Variants in PCNX3 observed in about 807,000 individuals in gnomAD.
The protein encoded by PCNX3 is pecanex-like protein 3.
PCNX3 carries 58 observed loss-of-function variants against 207.2 expected under a neutral mutation model. The observed-to-expected ratio is 0.28, with a 90% CI of 0.23 to 0.35. The LOEUF (loss-of-function observed/expected upper bound fraction) is 0.35, where lower values mean the gene tolerates loss of function less well. Ranked by LOEUF, PCNX3 falls within the 10% of genes least tolerant of loss-of-function variation. The pLI, the probability that PCNX3 is intolerant of heterozygous loss-of-function variation, is 1.00. For synonymous variants in PCNX3, 1,337 were observed against 1,183.5 expected (o/e 1.13, Z -2.66); for missense variants, 2,410 against 2,774.4 (o/e 0.87, Z 2.95).
Position 65,634,221 on chromosome 11 carries a change from C to T in PCNX3, c.4566C>T (p.Gly1522=), listed in dbSNP as rs2135480756. ...TAALRPVRVP[G]YADSDPTFSL... is the part of the protein sequence containing the mutation. Reference sequence around the variant, plus strand: ...CCCTGAGGCCTGTGCGGGTGCCCGGCTATGCCGACTCGGATCCCACCTTCT... The same window carrying T: ...CCCTGAGGCCTGTGCGGGTGCCCGGTTATGCCGACTCGGATCCCACCTTCT... Residue 1522 remains glycine (G), a synonymous_variant, in exon 28 of 35, where the codon GGC becomes GGT. Transcript: ENST00000355703. The T allele has an allele frequency of 6.2e-7, 1 of 1,613,426 alleles. No individual in the cohort carries two copies. The highest frequency in any genetic ancestry group is 1.3e-5 in the African/African-American group (1 of 75,074).
At position 65,636,570 on chromosome 11, in the gene PCNX3, G is replaced by A. The variant is rs61893815; in HGVS notation, c.5773G>A (p.Gly1925Ser). The A allele has an allele frequency of 1.2e-5, 19 of 1,595,768 alleles. No individual in the cohort carries two copies. In the Admixed American group the frequency reaches 2.9e-4, roughly 24 times the overall value. ...GPRTSRPPGP[G>S]LLSSEGPSGK... ...CCGGACCTCACGGCCCCCTGGCCCG[G>A]GTCTCCTCAGTTCTGAGGGCCCCAG... Residue 1925 changes from glycine (G) to serine (S), a missense_variant, in exon 34 of 35, where the codon GGT becomes AGT. By Grantham distance (56) the Gly-to-Ser change is moderately conservative. Transcript: ENST00000355703.
At position 65,625,223 on chromosome 11, in the gene PCNX3, T is replaced by G. The variant is rs774046379; in HGVS notation, c.2972T>G (p.Leu991Arg). Residue 991 changes from leucine (L) to arginine (R), a missense_variant, in exon 17 of 35, where the codon CTC becomes CGC. Leu to Arg is a moderately radical substitution (Grantham distance 102). This residue lies in a region of PCNX3 where 333 missense variants were observed against 386.8 expected (regional missense o/e 0.86). Transcript: ENST00000355703. This position sits in a 1 kb window ranked among gnomAD's most constrained non-coding sequence, Gnocchi z 5.6. ...VPVLFSVFCG[L>R]LVALSYHLSR... ...GTCCTCTTCTCAGTCTTCTGTGGCC[T>G]CCTGGTGGCACTGTCCTACCACCTG... 6.2e-7 allele frequency: 1 copy of G among 1,611,342 alleles called. No homozygotes were observed. Among genetic ancestry groups the G allele is most frequent in the Non-Finnish European group, 8.5e-7 (1 of 1,179,684 alleles).
In PCNX3 at chr11:65,617,335, T is replaced by C. The variant is rs1854793457; in HGVS notation, c.427T>C (p.Phe143Leu). 1 of 1,612,950 alleles carries C rather than the reference T, an allele frequency of 6.2e-7. No homozygotes were observed. Among genetic ancestry groups the C allele is most frequent in the Non-Finnish European group, 8.5e-7 (1 of 1,179,572 alleles). ...CAGCTCCCAGCACTCTGTGTTTGGCTTCAACCAGGTCTCGGTGAGTGGGCC... is the reference window on the plus strand; with the variant it reads ...CAGCTCCCAGCACTCTGTGTTTGGCCTCAACCAGGTCTCGGTGAGTGGGCC... ...RCSSQHSVFG[F>L]NQVSELLPRM... is the part of the protein sequence containing the mutation. The change falls in exon 3 of 35, where the codon TTC becomes CTC. Residue 143 changes from phenylalanine (F) to leucine (L), a missense_variant. This residue lies in a region of PCNX3 where 1,104 missense variants were observed against 970.3 expected (regional missense o/e 1.14). Coordinates refer to ENST00000355703, the MANE Select transcript of PCNX3 (RefSeq NM_032223.4).
chr11:65,620,327 A>G lies in PCNX3; in HGVS notation c.2009-12A>G. The stretch of plus-strand genomic sequence containing the variant: ...TCTGCCACGCTGCCTCATCTCCCAT[A>G]CCCTGCCCCAGGTGTGCGGCGTTCC... On this transcript the variant is annotated splice_polypyrimidine_tract_variant and intron_variant, in intron 8 of 34. Coordinates refer to ENST00000355703, the MANE Select transcript of PCNX3 (RefSeq NM_032223.4). 1 of 1,610,608 alleles carries G rather than the reference A, an allele frequency of 6.2e-7. No individual in the cohort carries two copies.
chr11:65,616,581 G>A (rs1188593028), intron 1 of PCNX3, 117 bp downstream of exon 1: 5 of 1,287,036 alleles, frequency 3.9e-6, no homozygotes, highest in Non-Finnish European at 5.2e-6. Context: ...TGCAGAGTTT[G>A]GGTCTGTGTG....
chr11:65,627,729 G>A, intron 22 of PCNX3, 147 bp downstream of exon 22: 1 of 995,694 alleles, frequency 1.0e-6, no homozygotes, highest in South Asian at 1.6e-5. Context: ...CTCAAGGAAG[G>A]GGTTACTTCC....
rs974514586 is a variant in PCNX3, at chr11:65,636,901, G to C, written c.6028G>C (p.Ala2010Pro). ...SAPESGTPMG[A>P]LGDWPAPIEE... ...CCCTGAGAGTGGCACACCTATGGGT[G>C]CCCTGGGCGACTGGCCTGCCCCTAT... Residue 2010 changes from alanine to proline, a missense_variant, in exon 35 of 35, where the codon GCC (alanine) becomes CCC (proline). Transcript: ENST00000355703. 26 of 1,555,424 alleles carry C rather than the reference G, an allele frequency of 1.7e-5. No individual in the cohort carries two copies. The highest frequency in any genetic ancestry group is 2.7e-5 in the African/African-American group (2 of 73,270).
Position 65,616,957 on chromosome 11 carries a change from C to T in PCNX3, c.287C>T (p.Ser96Phe). The T allele has an allele frequency of 1.2e-6, 2 of 1,613,280 alleles. No homozygotes were observed. Among genetic ancestry groups the T allele is most frequent in the Non-Finnish European group, 1.7e-6 (2 of 1,179,816 alleles). ...GGCGAGATCGTGGAGAAGCGCAGCT[C>T]TACCATGGGGGAGCTGGAGGAAGAG... is the stretch of plus-strand genomic sequence containing the variant. The part of the protein sequence containing the change: ...DQGEIVEKRS[S>F]TMGELEEEPA... Residue 96 changes from serine (S) to phenylalanine (F), a missense_variant, in exon 2 of 35, where the codon TCT becomes TTT. Physicochemically the swap from Ser to Phe is radical, Grantham distance 155. Around this residue, in one of 8 missense-constraint regions of PCNX3, gnomAD observed 1,104 missense variants for 970.3 expected, o/e 1.14. Transcript: ENST00000355703.
intron 26 of PCNX3, 88 bp downstream of exon 26, chr11:65,629,823 A>C (rs1343993409): frequency 2.1e-6 from 3 of 1,402,780 alleles, no homozygotes; most frequent in Non-Finnish European, 2.9e-6. Context: ...AAGGAGGTCC[A>C]GTCCAGCTCT....
At chr11:65,629,879 G>A (rs1818639676) in intron 26 of PCNX3, 144 bp downstream of exon 26, 1 of 897,544 alleles carries the variant, frequency 1.1e-6, no homozygotes, top group Non-Finnish European at 1.7e-6. Context: ...CTCCTCCCTG[G>A]GCCTGCGTTT....
Position 65,617,655 on chromosome 11 carries a change from G to C in PCNX3, c.526G>C (p.Val176Leu). Residue 176 changes from valine to leucine, a missense_variant, in exon 5 of 35, where the codon GTG becomes CTG. By Grantham distance (32) the Val-to-Leu change is conservative. Transcript: ENST00000355703. ...VREQGSNNVI[V>L]TSADREMLKL... ...GGAGCAGGGCAGCAACAATGTGATC[G>C]TGACTTCTGCCGACCGAGAGATGCT... The C allele has an allele frequency of 6.3e-7, 1 of 1,596,396 alleles. No homozygotes were observed. Among genetic ancestry groups the C allele is most frequent in the Non-Finnish European group, 8.5e-7 (1 of 1,171,386 alleles).
At position 65,630,580 on chromosome 11, in the gene PCNX3, G is replaced by A. The variant is rs774504384; in HGVS notation, c.4446G>A (p.Lys1482=). The A allele has an allele frequency of 1.2e-6, 2 of 1,612,290 alleles. No homozygotes were observed. The highest frequency in any genetic ancestry group is 2.2e-5 in the South Asian group (2 of 91,044). ...ASMLQVFDLR[K]ILITYYVKSI... ...TGCTGCAGGTTTTCGACCTCCGCAA[G>A]ATCCTCATCACCTACTATGTCAAGG... The change falls in exon 27 of 35, where the codon AAG becomes AAA. Residue 1482 remains lysine (K), a synonymous_variant. Transcript: ENST00000355703.
chr11:65,617,454 C>T lies in PCNX3; in HGVS notation c.442-16C>T, dbSNP rs1354194580. ...TCTTGCCTTGTTTGTTCCTTCATGG[C>T]TCTCTGTCTACTCAGGAGCTGCTGC... On this transcript the variant is annotated splice_polypyrimidine_tract_variant and intron_variant, in intron 3 of 34. Coordinates refer to ENST00000355703, the MANE Select transcript of PCNX3 (RefSeq NM_032223.4). The T allele has an allele frequency of 1.9e-6, 3 of 1,613,854 alleles. No individual in the cohort carries two copies. Among genetic ancestry groups the T allele is most frequent in the Non-Finnish European group, 2.5e-6 (3 of 1,179,870 alleles).
Position 65,619,196 on chromosome 11 carries a change from G to A in PCNX3, c.1705+129G>A, listed in dbSNP as rs990392438. 7 of 844,188 alleles carry A rather than the reference G, an allele frequency of 8.3e-6. No homozygotes were observed. In the Admixed American group the frequency reaches 1.6e-4, roughly 20 times the overall value. The allele number at this position is 844,188 out of a possible 1,614,324, so 52.3% of individuals were successfully genotyped here. On this transcript the variant is annotated intron_variant, in intron 6 of 34. Transcript: ENST00000355703. ...CGGTTGTAGGCAGCAGATGGACGTGGGCCTGGTGGTGATTGACATTGTCTG... is the reference window on the plus strand; with the variant it reads ...CGGTTGTAGGCAGCAGATGGACGTGAGCCTGGTGGTGATTGACATTGTCTG...
At chr11:65,623,889 G>A (rs1216946139) in intron 12 of PCNX3, 40 bp from the exon 13 acceptor site, 2 of 1,612,162 alleles carry the variant, frequency 1.2e-6, no homozygotes, top group Non-Finnish European at 1.7e-6. Flanking sequence ...CATCCCGTGG[G>A]CATCGGCTCT....
intron 10 of PCNX3, among the ~76,000 whole-genome samples, chr11:65,621,504 T>C (rs1855100366): frequency 6.6e-6 from 1 of 152,180 alleles, no homozygotes; most frequent in Non-Finnish European, 1.5e-5. Context: ...TAAAGAATGA[T>C]CATAAAAGGG....
At chr11:65,634,084 A>G in intron 27 of PCNX3, 42 bp from the exon 28 acceptor site, 1 of 1,552,164 alleles carries the variant, frequency 6.4e-7, no homozygotes, top group Non-Finnish European at 8.8e-7. Flanking sequence ...TCCAGTGGCC[A>G]GGGCCGGGAC....
chr11:65,624,848 T>C, intron 15 of PCNX3, 77 bp from the exon 16 acceptor site: 1 of 1,410,496 alleles, frequency 7.1e-7, no homozygotes, highest in South Asian at 1.2e-5. Flanking sequence ...CCTCTGGGAG[T>C]TGAGGGGAAG....
chr11:65,630,724 G>A (rs762260956), intron 27 of PCNX3, 120 bp downstream of exon 27: 73 of 1,387,110 alleles, frequency 5.3e-5, no homozygotes, highest in Middle Eastern at 5.2e-4. Flanking sequence ...GGAAGCTGAG[G>A]CCTCAGAGAG....
Sources: gnomAD v4.1 joint callset for allele counts (sites outside exome capture counted in the v4.1 genomes callset) on GRCh38, gnomAD v4.1.1 for gene constraint, gnomAD v4.1.1 regional missense constraint, Gnocchi (gnomAD v3.1) non-coding constraint, MANE v1.5 for transcripts, NCBI Gene and HGNC (gene_info 2026-07-23, HGNC 2026-07-21) for gene names.